Variants in HEMK2 observed in about 807,000 individuals in gnomAD.
The protein encoded by HEMK2 is methyltransferase HEMK2.
chr21:28,756,627 G>C, the HEMK2 span, among the ~76,000 whole-genome samples: 1 of 152,166 alleles, frequency 6.6e-6, no homozygotes, highest in Non-Finnish European at 1.5e-5. Context: ...AGTGCCTTTT[G>C]CCAGAGAGTT....
chr21:28,627,363 G>A, the HEMK2 span, among the ~76,000 whole-genome samples: 1 of 152,124 alleles, frequency 6.6e-6, no homozygotes, highest in Non-Finnish European at 1.5e-5. Context: ...CATAAATTAT[G>A]CTTTGATGAA....
At chr21:28,602,084 A>T in the HEMK2 span, among the ~76,000 whole-genome samples, 1 of 152,240 alleles carries the variant, frequency 6.6e-6, no homozygotes, top group Non-Finnish European at 1.5e-5. Flanking sequence ...TTCCTAAACA[A>T]GAAAAACCTT....
the HEMK2 span, among the ~76,000 whole-genome samples, chr21:28,591,719 A>T: frequency 0.017 from 2,568 of 152,164 alleles, 67 homozygotes; most frequent in African/African-American, 0.058. Flanking sequence ...ACCCTCTGGT[A>T]GGCTCCAGTG....
the HEMK2 span, among the ~76,000 whole-genome samples, chr21:28,848,057 T>A: frequency 2.0e-5 from 3 of 152,242 alleles, no homozygotes; most frequent in Non-Finnish European, 4.4e-5. Flanking sequence ...GGTAGTGTGA[T>A]GCCTCCAGCT....
the HEMK2 span, among the ~76,000 whole-genome samples, chr21:28,860,060 C>A: frequency 6.6e-6 from 1 of 151,798 alleles, no homozygotes; most frequent in East Asian, 1.9e-4. Context: ...GGTGGACTTG[C>A]GATGGTTAAT....
chr21:28,761,498 C>T, the HEMK2 span, among the ~76,000 whole-genome samples: 1 of 151,896 alleles, frequency 6.6e-6, no homozygotes, highest in Non-Finnish European at 1.5e-5. Context: ...CAGTAAAAAT[C>T]GGATGACCTG....
chr21:28,698,367 C>A, the HEMK2 span, among the ~76,000 whole-genome samples: 1 of 151,902 alleles, frequency 6.6e-6, no homozygotes, highest in African/African-American at 2.4e-5. Flanking sequence ...AGCTTTAAAT[C>A]GGTTAAAATG....
At chr21:28,841,087 A>T in the HEMK2 span, among the ~76,000 whole-genome samples, 2 of 33,596 alleles carry the variant, frequency 6.0e-5, no homozygotes, top group Admixed American at 5.9e-4. Flanking sequence ...ATTATATATT[A>T]TATATATTAT....
At chr21:28,610,099 T>C in the HEMK2 span, among the ~76,000 whole-genome samples, 2 of 152,210 alleles carry the variant, frequency 1.3e-5, no homozygotes, top group African/African-American at 2.4e-5. Context: ...CCTAGGCACA[T>C]GGTCATCAGG....
the HEMK2 span, among the ~76,000 whole-genome samples, chr21:28,864,820 C>CAGACAGATAGAT: frequency 5.4e-4 from 64 of 119,204 alleles, no homozygotes; most frequent in Non-Finnish European, 5.1e-4. Flanking sequence ...GACAGACAGA[C>CAGACAGATAGAT]AGATAGATAG....
At chr21:28,633,649 T>C in the HEMK2 span, among the ~76,000 whole-genome samples, 1 of 152,154 alleles carries the variant, frequency 6.6e-6, no homozygotes. Flanking sequence ...TGTGAACCCT[T>C]TTCTCAAGAC....
At chr21:28,815,999 C>G in the HEMK2 span, among the ~76,000 whole-genome samples, 6 of 152,082 alleles carry the variant, frequency 3.9e-5, no homozygotes, top group Admixed American at 1.3e-4. Context: ...GTAACACAAT[C>G]TGAATGAAGA....
the HEMK2 span, among the ~76,000 whole-genome samples, chr21:28,765,808 T>C: frequency 6.6e-6 from 1 of 152,004 alleles, no homozygotes; most frequent in Non-Finnish European, 1.5e-5. Context: ...CAGGAGAAAT[T>C]TGAGAAAGCC....
the HEMK2 span, among the ~76,000 whole-genome samples, chr21:28,851,210 G>GGC: frequency 6.6e-6 from 1 of 152,146 alleles, no homozygotes; most frequent in African/African-American, 2.4e-5. Context: ...AAATCCTAGA[G>GGC]GCTGCCACTG....
the HEMK2 span, among the ~76,000 whole-genome samples, chr21:28,812,674 C>T: frequency 3.3e-5 from 5 of 152,192 alleles, no homozygotes; most frequent in African/African-American, 1.2e-4. Context: ...GGAGGAGTCC[C>T]TCTTTTTCTA....
the HEMK2 span, among the ~76,000 whole-genome samples, chr21:28,842,163 A>G: frequency 3.3e-5 from 5 of 152,340 alleles, no homozygotes; most frequent in South Asian, 1.0e-3. Context: ...ATTAAACAGC[A>G]ACATGCATAT....
chr21:28,859,515 T>C, the HEMK2 span, among the ~76,000 whole-genome samples: 2 of 152,228 alleles, frequency 1.3e-5, no homozygotes, highest in Non-Finnish European at 2.9e-5. Context: ...TTTTAACCAC[T>C]GCCTTAAGTG....
At chr21:28,830,259 AATTGGATCATGGGGGCAG>A in the HEMK2 span, among the ~76,000 whole-genome samples, 4 of 152,044 alleles carry the variant, frequency 2.6e-5, no homozygotes, top group African/African-American at 9.7e-5. Flanking sequence ...GGTGGGAGGT[AATTGGATCATGGGGGCAG>A]ATTTCTCCCT....
At chr21:28,879,852 T>C in the HEMK2 span, 1 of 1,511,996 alleles carries the variant, frequency 6.6e-7, no homozygotes, top group Non-Finnish European at 8.9e-7. Context: ...AATAATTAAA[T>C]TTTGTTGTAT....
Sources: gnomAD v4.1 joint callset for allele counts (sites outside exome capture counted in the v4.1 genomes callset) on GRCh38, gnomAD v4.1.1 for gene constraint, MANE v1.5 for transcripts, NCBI Gene and HGNC (gene_info 2026-07-23, HGNC 2026-07-21) for gene names.